Variants in BCCIP observed in about 807,000 individuals in gnomAD.
BCCIP encodes BRCA2 and CDKN1A-interacting protein.
In BCCIP, 23 loss-of-function variants were observed where a neutral mutation model predicts 32.8. The observed-to-expected ratio is 0.70, with a 90% CI of 0.51 to 0.99. The LOEUF is 0.99. Among genes scored for constraint, BCCIP ranks in the 50% least tolerant of loss-of-function variants. BCCIP has a pLI of 0.00. For synonymous variants in BCCIP, 144 were observed against 137.6 expected (o/e 1.05, Z -0.33); for missense variants, 378 against 379.8 (o/e 1.00, Z 0.04).
chr10:125,852,737 C>G, intron 7 of BCCIP: 1 of 1,094,498 alleles, frequency 9.1e-7, no homozygotes, highest in Non-Finnish European at 1.3e-6. Context: ...GTACTTTACT[C>G]CATGAAATGC....
downstream of BCCIP, chr10:125,841,094 C>T (rs73381233): frequency 8.8e-4 from 1,270 of 1,435,356 alleles, 11 homozygotes; most frequent in African/African-American, 0.016. Context: ...AGTGGCATGG[C>T]TCCTGTCTTG....
chr10:125,827,706 A>G (rs1177205656), intron 3 of BCCIP, 68 bp downstream of exon 3: 2 of 1,231,364 alleles, frequency 1.6e-6, no homozygotes, highest in Non-Finnish European at 2.4e-6. Context: ...GGGCCTCACC[A>G]TGCTTGTAAT....
At chr10:125,841,519 A>C, downstream of BCCIP, 1 of 1,433,586 alleles carries the variant, frequency 7.0e-7, no homozygotes, top group Non-Finnish European at 9.1e-7. Context: ...CTGATGTATA[A>C]ATTTGCTGAA....
chr10:125,824,380 C>T (rs1243629949), intron 1 of BCCIP, among the ~76,000 whole-genome samples: 1 of 152,188 alleles, frequency 6.6e-6, no homozygotes, highest in African/African-American at 2.4e-5. Flanking sequence ...CTGAATGATC[C>T]TTCAGCCTAC....
Position 125,836,321 on chromosome 10 carries a change from G to GA in BCCIP, c.*51dup. ...TGGGCTTGTTTTTGTAAAATTACCA[G>GA]AAAACTCAGTGGAGATTTACTGAAA... On this transcript the variant is annotated 3_prime_UTR_variant, in exon 7 of 7. Transcript: ENST00000278100. The GA allele has an allele frequency of 6.2e-7, 1 of 1,612,144 alleles. No homozygotes were observed. The highest frequency in any genetic ancestry group is 8.5e-7 in the Non-Finnish European group (1 of 1,179,378).
At chr10:125,841,534 GAGTT>G (rs771545282), downstream of BCCIP, 247 of 1,427,722 alleles carry the variant, frequency 1.7e-4, no homozygotes, top group Non-Finnish European at 2.1e-4. Context: ...GCTGAACTTT[GAGTT>G]AGTTTTCTTA....
At chr10:125,846,171 C>T (rs1032839616), downstream of BCCIP, among the ~76,000 whole-genome samples, 9 of 152,196 alleles carry the variant, frequency 5.9e-5, no homozygotes, top group African/African-American at 2.2e-4. Flanking sequence ...TACCAACGGT[C>T]TCCACTCCCA....
downstream of BCCIP, among the ~76,000 whole-genome samples, chr10:125,843,599 G>A (rs1188467986): frequency 1.3e-5 from 2 of 151,386 alleles, no homozygotes; most frequent in African/African-American, 2.4e-5. Context: ...GCGACAGAGC[G>A]AGACTCCGTC....
At chr10:125,851,765 A>T (rs1944091954) in intron 7 of BCCIP, among the ~76,000 whole-genome samples, 1 of 151,994 alleles carries the variant, frequency 6.6e-6, no homozygotes, top group South Asian at 2.1e-4. Context: ...CTACAAAGGA[A>T]ATCTACATTA....
chr10:125,851,991 A>C (rs891944022), intron 7 of BCCIP, among the ~76,000 whole-genome samples: 2 of 151,658 alleles, frequency 1.3e-5, no homozygotes, highest in Non-Finnish European at 2.9e-5. Context: ...CTTTCTGCTG[A>C]TTCACCCTTA....
rs374632268 is a variant in BCCIP at position 125,831,548 on chromosome 10, A to G, written c.540A>G (p.Leu180=). ...NDTTKPVGLL[L]SERFINVPPQ... Reference sequence around the variant, plus strand: ...CCACCAAGCCTGTGGGCCTTCTCCTAAGTGAAAGATTCATTAATGTCCCTC... The same window carrying G: ...CCACCAAGCCTGTGGGCCTTCTCCTGAGTGAAAGATTCATTAATGTCCCTC... Residue 180 remains leucine, a synonymous_variant, in exon 5 of 7, where the codon CTA becomes CTG. Coordinates refer to ENST00000278100, the MANE Select transcript of BCCIP (RefSeq NM_078468.3). 1 of 1,614,104 alleles carries G rather than the reference A, an allele frequency of 6.2e-7. No homozygotes were observed. The highest frequency in any genetic ancestry group is 8.5e-7 in the Non-Finnish European group (1 of 1,180,036).
At chr10:125,829,087 C>T (rs1309186233) in intron 3 of BCCIP, among the ~76,000 whole-genome samples, 1 of 152,092 alleles carries the variant, frequency 6.6e-6, no homozygotes, top group African/African-American at 2.4e-5. Flanking sequence ...CACATTGATC[C>T]CACCACTCCA....
chr10:125,825,333 C>A (rs1425348815), intron 1 of BCCIP, among the ~76,000 whole-genome samples: 1 of 152,128 alleles, frequency 6.6e-6, no homozygotes, highest in Non-Finnish European at 1.5e-5. Context: ...TCCGAGATGT[C>A]TGTCTAGACA....
rs374807277 is a variant in BCCIP at position 125,826,996 on chromosome 10, T to TAAAAAAAAAA, written c.240+340_240+341insAAAAAAAAAA. On this transcript the variant is annotated intron_variant, in intron 2 of 6. Transcript: ENST00000278100. ...GGGCAACAGAGTGAGCCTCTGTCTC[T>TAAAAAAAAAA]AAAAAAAAAGAAAATTCAGGTCATT... Among the ~76,000 whole-genome samples the TAAAAAAAAAA allele has an allele frequency of 1.6e-3, 202 of 129,288 alleles. 21 individuals are homozygous for TAAAAAAAAAA. Among genetic ancestry groups the TAAAAAAAAAA allele is most frequent in the Middle Eastern group, 7.6e-3 (2 of 262 alleles). The allele number at this position is 129,288 out of a possible 152,430, so 84.8% of individuals were successfully genotyped here. A position where few individuals can be genotyped will look rare whatever the true frequency, so the allele number is the denominator to read the frequency against.
At chr10:125,839,985 C>T (rs142867005), downstream of BCCIP, among the ~76,000 whole-genome samples, 1,018 of 152,362 alleles carry the variant, frequency 6.7e-3, 18 homozygotes, top group African/African-American at 0.023. Context: ...TTTTTCTTCT[C>T]AGCTTTGAAA....
In BCCIP at chr10:125,823,579, C is replaced by A; in HGVS notation, c.22C>A (p.Arg8Ser). Reference protein sequence around the residue: MASRSKRRAVESGVPQPP... With the variant: MASRSKRSAVESGVPQPP... ...CAACATGGCGTCCAGGTCTAAGCGGCGTGCCGTGGAAAGTGGGGTTCCGCA... is the reference window on the plus strand; with the variant it reads ...CAACATGGCGTCCAGGTCTAAGCGGAGTGCCGTGGAAAGTGGGGTTCCGCA... Residue 8 changes from arginine (R) to serine (S), a missense_variant, in exon 1 of 7, where the codon CGT becomes AGT. By Grantham distance (110) the Arg-to-Ser change is moderately radical (BLOSUM62 -1). Coordinates refer to ENST00000278100, the MANE Select transcript of BCCIP (RefSeq NM_078468.3). 6.2e-7 allele frequency: 1 copy of A among 1,613,906 alleles called. No homozygotes were observed. Among genetic ancestry groups the A allele is most frequent in the Non-Finnish European group, 8.5e-7 (1 of 1,179,924 alleles).
downstream of BCCIP, among the ~76,000 whole-genome samples, chr10:125,837,822 T>C (rs1854743349): frequency 6.6e-6 from 1 of 152,208 alleles, no homozygotes; most frequent in Non-Finnish European, 1.5e-5. Flanking sequence ...TTACACCTTC[T>C]GGTGCCTGCC....
intron 3 of BCCIP, among the ~76,000 whole-genome samples, chr10:125,829,458 T>C (rs1854474972): frequency 1.3e-5 from 2 of 152,230 alleles, no homozygotes; most frequent in Non-Finnish European, 2.9e-5. Context: ...GCCAAAATTC[T>C]TGAAAAGTAA....
chr10:125,838,442 T>A, downstream of BCCIP: 1 of 1,435,114 alleles, frequency 7.0e-7, no homozygotes, highest in Non-Finnish European at 9.3e-7. Flanking sequence ...GAGATCATTA[T>A]ACAAAGATGT....
Sources: allele counts gnomAD v4.1 joint callset (sites outside exome capture counted in the v4.1 genomes callset), GRCh38; gene constraint gnomAD v4.1.1; transcripts MANE v1.5; gene names NCBI Gene and HGNC (gene_info 2026-07-23, HGNC 2026-07-21).